Variants in ABCB11 observed in about 807,000 individuals in gnomAD.
The protein encoded by ABCB11 is bile salt export pump.
A neutral mutation model predicts 148.0 loss-of-function variants in ABCB11; 95 were observed. That is an observed-to-expected ratio of 0.64 (90% CI 0.54 to 0.76). ABCB11 has a LOEUF of 0.76. ABCB11 is among the 30% of genes least tolerant of loss of function. The pLI, the probability that ABCB11 is intolerant of heterozygous loss-of-function variation, is 0.00. For missense variants in ABCB11, 1,523 were observed against 1,617.8 expected (o/e 0.94, Z 1.01); for synonymous variants, 591 against 555.4 (o/e 1.06, Z -0.90).
At chr2:168,990,003 T>A (rs1297750348) in intron 9 of ABCB11, among the ~76,000 whole-genome samples, 1 of 152,152 alleles carries the variant, frequency 6.6e-6, no homozygotes, top group Non-Finnish European at 1.5e-5. Context: ...CTATTCAATT[T>A]GGTTTACTAG....
At chr2:169,010,659 C>G (rs1695154317) in intron 5 of ABCB11, among the ~76,000 whole-genome samples, 1 of 152,180 alleles carries the variant, frequency 6.6e-6, no homozygotes, top group Admixed American at 6.6e-5. Flanking sequence ...GGTATATAAA[C>G]TACTTACAGG....
intron 21 of ABCB11, among the ~76,000 whole-genome samples, chr2:168,939,776 T>A (rs1471935914): frequency 6.6e-6 from 1 of 152,142 alleles, no homozygotes; most frequent in Non-Finnish European, 1.5e-5. Context: ...CAACCCTGTA[T>A]ATGCAGAGCA....
At chr2:168,932,658 C>T in intron 23 of ABCB11, 125 bp from the exon 24 acceptor site, 1 of 1,165,216 alleles carries the variant, frequency 8.6e-7, no homozygotes, top group Non-Finnish European at 1.2e-6. Flanking sequence ...TTGAGCAAGT[C>T]ACTTCAGACT....
intron 19 of ABCB11, among the ~76,000 whole-genome samples, chr2:168,956,143 G>A: frequency 6.6e-6 from 1 of 151,764 alleles, no homozygotes; most frequent in African/African-American, 2.4e-5. Context: ...AAACCAGGAG[G>A]AAGAGAGAGC....
rs761806002 is a variant in ABCB11 at position 168,923,411 on chromosome 2, C to G, written c.*211G>C. 9.9e-6 allele frequency: 6 copies of G among 606,382 alleles called. No homozygotes were observed. The highest frequency in any genetic ancestry group is 1.2e-5 in the Non-Finnish European group (4 of 345,726). The allele number at this position is 606,382 out of a possible 1,614,324, so 37.6% of individuals were successfully genotyped here. Reference sequence around the variant, plus strand: ...TATGGACCCTAGTTTCTTTCATTTTCTGTATACACATCTAAAGCAGAATTA... The same window carrying G: ...TATGGACCCTAGTTTCTTTCATTTTGTGTATACACATCTAAAGCAGAATTA... On this transcript the variant is annotated 3_prime_UTR_variant, in exon 28 of 28. Coordinates refer to ENST00000650372, the MANE Select transcript of ABCB11 (RefSeq NM_003742.4).
At chr2:168,975,832 G>A (rs1163256015) in intron 12 of ABCB11, among the ~76,000 whole-genome samples, 1 of 149,418 alleles carries the variant, frequency 6.7e-6, no homozygotes, top group Admixed American at 6.8e-5. Flanking sequence ...TGATAGGTAT[G>A]TGGTGTCAGA....
chr2:169,030,365 G>C (rs908022696), intron 1 of ABCB11, among the ~76,000 whole-genome samples: 1 of 151,936 alleles, frequency 6.6e-6, no homozygotes, highest in Non-Finnish European at 1.5e-5. Context: ...AGGTGAGGGG[G>C]GTGAGCAGTG....
downstream of ABCB11, among the ~76,000 whole-genome samples, chr2:168,918,144 A>G (rs1690978147): frequency 6.6e-6 from 1 of 152,168 alleles, no homozygotes; most frequent in Non-Finnish European, 1.5e-5. Context: ...CACGGAAAGA[A>G]TGGGCGTTTT....
chr2:168,973,285 A>T (rs1051439619), intron 13 of ABCB11, among the ~76,000 whole-genome samples: 4 of 123,306 alleles, frequency 3.2e-5, no homozygotes, highest in Non-Finnish European at 7.2e-5. Context: ...CAGTGTAGTT[A>T]CACAAATTTA....
chr2:168,973,674 T>C (rs924741815), intron 13 of ABCB11, 41 bp downstream of exon 13: 2 of 1,605,918 alleles, frequency 1.2e-6, no homozygotes, highest in Middle Eastern at 1.7e-4. Flanking sequence ...ATTTGCACTT[T>C]ACTGTCCCCA....
intron 1 of ABCB11, among the ~76,000 whole-genome samples, chr2:169,024,052 C>T (rs1235081240): frequency 1.3e-5 from 2 of 151,864 alleles, no homozygotes; most frequent in Non-Finnish European, 2.9e-5. Context: ...TGGGGGAGGG[C>T]AGTGGGGAGA....
chr2:168,964,207 T>G lies in ABCB11; in HGVS notation c.2177A>C (p.Lys726Thr). 1 of 1,552,706 alleles carries G rather than the reference T, an allele frequency of 6.4e-7. No individual in the cohort carries two copies. Among genetic ancestry groups the G allele is most frequent in the Non-Finnish European group, 8.7e-7 (1 of 1,146,092 alleles). Residue 726 changes from lysine to threonine, a missense_variant and splice_region_variant, in exon 18 of 28, where the codon AAG (lysine) becomes ACG (threonine). By Grantham distance (78) the Lys-to-Thr change is moderately conservative. Transcript: ENST00000650372. ...CCCCATAAGCAGTTGGTGCCTGACCTTTCTATCTTCTTCATAGGTAGACTT... is the reference window on the plus strand; with the variant it reads ...CCCCATAAGCAGTTGGTGCCTGACCGTTCTATCTTCTTCATAGGTAGACTT... ...DHKSTYEEDR[K>T]DKDIPVQEEV...
intron 10 of ABCB11, among the ~76,000 whole-genome samples, chr2:168,985,030 CAT>C (rs1458045079): frequency 2.0e-5 from 3 of 152,092 alleles, no homozygotes; most frequent in Admixed American, 1.3e-4. Flanking sequence ...ACAATCTACA[CAT>C]CTGACAAAGG....
exon 3 of ABCB11, among the ~76,000 whole-genome samples, chr2:168,915,515 T>C (rs1271664811): frequency 1.3e-5 from 2 of 152,224 alleles, no homozygotes; most frequent in Non-Finnish European, 2.9e-5. Context: ...ACTACTTCAG[T>C]GGCTTAAACA....
chr2:168,995,556 T>C (rs1339448983), intron 6 of ABCB11, 74 bp from the exon 7 acceptor site: 3 of 1,473,870 alleles, frequency 2.0e-6, no homozygotes, highest in South Asian at 1.3e-5. Flanking sequence ...CAGAAGAAAG[T>C]ACTTTCAATA....
intron 19 of ABCB11, among the ~76,000 whole-genome samples, chr2:168,953,619 AG>A (rs1189978814): frequency 6.6e-6 from 1 of 151,136 alleles, no homozygotes; most frequent in Non-Finnish European, 1.5e-5. Context: ...GTCAGCATTT[AG>A]TTGGATTATT....
chr2:168,999,735 C>A (rs1007359381), intron 5 of ABCB11, among the ~76,000 whole-genome samples: 1 of 152,108 alleles, frequency 6.6e-6, no homozygotes, highest in Non-Finnish European at 1.5e-5. Flanking sequence ...TGGAGGATAT[C>A]TGGGCTGTTT....
At chr2:168,966,750 C>A (rs919103472) in intron 17 of ABCB11, among the ~76,000 whole-genome samples, 2 of 151,856 alleles carry the variant, frequency 1.3e-5, no homozygotes, top group African/African-American at 4.8e-5. Flanking sequence ...CATCTTTTAA[C>A]GACAACAAGA....
At chr2:168,966,409 G>A (rs1185881321) in intron 17 of ABCB11, among the ~76,000 whole-genome samples, 2 of 151,636 alleles carry the variant, frequency 1.3e-5, no homozygotes, top group Non-Finnish European at 2.9e-5. Flanking sequence ...CAGATCATTC[G>A]AGCTGTCTAG....
Sources: gnomAD v4.1 joint callset for allele counts (sites outside exome capture counted in the v4.1 genomes callset) on GRCh38, gnomAD v4.1.1 for gene constraint, MANE v1.5 for transcripts, NCBI Gene and HGNC (gene_info 2026-07-23, HGNC 2026-07-21) for gene names.